MICAL2: variants seen among roughly 807,000 people sequenced by gnomAD.
The protein encoded by MICAL2 is microtubule associated monooxygenase, calponin and LIM domain containing 2.
MICAL2 carries 77 observed loss-of-function variants against 127.3 expected under a neutral mutation model. The observed-to-expected ratio is 0.60, with a 90% CI of 0.50 to 0.73. The LOEUF is 0.73. Ranked by LOEUF, MICAL2 falls within the 30% of genes least tolerant of loss-of-function variation. The probability of loss-of-function intolerance (pLI) is 0.00; values close to 1 mark genes in which losing one functional copy is unlikely to be tolerated. For synonymous variants in MICAL2, 570 were observed against 551.1 expected (o/e 1.03, Z -0.48); for missense variants, 1,351 against 1,434.4 (o/e 0.94, Z 0.94).
chr11:12,260,073 G>A (rs747987726), intron 26 of MICAL2, 176 bp downstream of exon 26: 101 of 1,537,454 alleles, frequency 6.6e-5, no homozygotes, highest in East Asian at 9.8e-5. Flanking sequence ...TCCTCTGGGC[G>A]TTCTCTGAGG....
intron 23 of MICAL2, 57 bp from the exon 24 acceptor site, chr11:12,256,728 G>T: frequency 6.8e-7 from 1 of 1,468,538 alleles, no homozygotes; most frequent in Admixed American, 2.1e-5. Context: ...CCTTGGCCTG[G>T]CATTTGAAGG....
intron 2 of MICAL2, among the ~76,000 whole-genome samples, chr11:12,285,020 T>C (rs1449902307): frequency 6.6e-6 from 1 of 152,162 alleles, no homozygotes; most frequent in African/African-American, 2.4e-5. Context: ...GAGACCAGAA[T>C]TTTATTATTA....
intron 17 of MICAL2, 147 bp downstream of exon 17, chr11:12,239,732 T>C (rs1859601011): frequency 2.1e-6 from 2 of 951,896 alleles, no homozygotes; most frequent in Admixed American, 6.2e-5. Flanking sequence ...CAACAGACTT[T>C]TCTATAAGAG....
rs796149390 is a variant in MICAL2, at chr11:12,330,816, A to G, written c.5515+3550A>G. On this transcript the variant is annotated intron_variant, in intron 32 of 34. Coordinates refer to the MICAL2 transcript ENST00000646065. ...GAGAGAGAGAGAGACAGAGAGAGAG[A>G]GAGAGGGAGAGACAGACAGAGAGAG... Among the ~76,000 whole-genome samples the G allele has an allele frequency of 2.3e-3, 340 of 150,770 alleles. 13 individuals carry two copies. The highest frequency in any genetic ancestry group is 8.1e-3 in the African/African-American group (333 of 40,900).
intron 11 of MICAL2, among the ~76,000 whole-genome samples, chr11:12,222,951 A>G (rs936737335): frequency 5.3e-5 from 8 of 152,186 alleles, no homozygotes; most frequent in Admixed American, 4.6e-4. Context: ...ATGTAGGGGG[A>G]GAGATTTATA....
intron 8 of MICAL2, 106 bp downstream of exon 8, chr11:12,216,425 G>A (rs1216569223): frequency 1.2e-6 from 1 of 858,688 alleles, no homozygotes. Context: ...GAGGGGAGGA[G>A]GGGGGAAGGT....
chr11:12,146,407 G>A (rs1341580465), intron 2 of MICAL2, among the ~76,000 whole-genome samples: 1 of 152,212 alleles, frequency 6.6e-6, no homozygotes, highest in African/African-American at 2.4e-5. Flanking sequence ...CGAAGGATAT[G>A]AACAGACACT....
At chr11:12,139,311 T>C (rs1852122773) in intron 2 of MICAL2, among the ~76,000 whole-genome samples, 1 of 152,124 alleles carries the variant, frequency 6.6e-6, no homozygotes, top group African/African-American at 2.4e-5. Flanking sequence ...CAGAAAGCCA[T>C]GAGTCAGAGG....
In MICAL2 at chr11:12,257,101, G is replaced by A. The variant is rs1220472776; in HGVS notation, c.3142+130G>A. The A allele has an allele frequency of 2.9e-6, 3 of 1,025,562 alleles. No homozygotes were observed. The African/African-American group carries it at 4.9e-5, about 17-fold the overall frequency. The allele number at this position is 1,025,562 out of a possible 1,614,324, so 63.5% of individuals were successfully genotyped here. A position where few individuals can be genotyped will look rare whatever the true frequency, so the allele number is the denominator to read the frequency against. On this transcript the variant is annotated intron_variant, in intron 24 of 27. Transcript: ENST00000683283. Reference sequence around the variant, plus strand: ...CCAAAAGGAAGTATGATGTCATCAGGAAAGCTGCTCAGGGAGACTGGGAGC... The same window carrying A: ...CCAAAAGGAAGTATGATGTCATCAGAAAAGCTGCTCAGGGAGACTGGGAGC...
At chr11:12,252,729 G>T (rs1166009363) in intron 22 of MICAL2, 1 of 152,250 alleles carries the variant, frequency 6.6e-6, no homozygotes, top group African/African-American at 2.4e-5. Context: ...CTGCTTTGCA[G>T]TTCCCTGGAC....
At chr11:12,146,862 G>A (rs897853545) in intron 2 of MICAL2, among the ~76,000 whole-genome samples, 49 of 152,264 alleles carry the variant, frequency 3.2e-4, no homozygotes, top group African/African-American at 1.0e-3. Flanking sequence ...AATATACACC[G>A]TGGAATACTA....
At chr11:12,193,360 T>C (rs1859459930) in intron 3 of MICAL2, among the ~76,000 whole-genome samples, 1 of 152,228 alleles carries the variant, frequency 6.6e-6, no homozygotes, top group African/African-American at 2.4e-5. Context: ...ATCTCTCCCT[T>C]GTTGACCTTA....
Position 12,255,638 on chromosome 11 carries a change from G to C in MICAL2, c.2848-5G>C. The C allele has an allele frequency of 6.2e-7, 1 of 1,613,904 alleles. No homozygotes were observed. Among genetic ancestry groups the C allele is most frequent in the Non-Finnish European group, 8.5e-7 (1 of 1,179,904 alleles). ...TCTGTCTCCTCTGCCTCTGCTCTTG[G>C]TTAGCTGACGGTAGGGAAAGTGTCC... On this transcript the variant is annotated splice_polypyrimidine_tract_variant and splice_region_variant and intron_variant, in intron 22 of 27. Coordinates refer to ENST00000683283, the MANE Select transcript of MICAL2 (RefSeq NM_001282663.2).
intron 6 of MICAL2, 80 bp downstream of exon 6, chr11:12,209,678 G>A (rs1355200160): frequency 7.7e-7 from 1 of 1,290,678 alleles, no homozygotes; most frequent in Non-Finnish European, 1.1e-6. Flanking sequence ...GGAGAAAGTG[G>A]GCAAGATGCA....
At chr11:12,224,604 A>G in intron 12 of MICAL2, 69 bp from the exon 13 acceptor site, 2 of 1,561,700 alleles carry the variant, frequency 1.3e-6, no homozygotes. Flanking sequence ...TGGCAATGAG[A>G]AGGGAGCGCC....
At chr11:12,212,642 A>G (rs978137861) in intron 6 of MICAL2, among the ~76,000 whole-genome samples, 4 of 151,996 alleles carry the variant, frequency 2.6e-5, no homozygotes, top group Non-Finnish European at 5.9e-5. Context: ...GTCCCACCCT[A>G]CTCCAGTATG....
At chr11:12,161,505 T>C (rs1009636630) in intron 2 of MICAL2, 3 of 152,584 alleles carry the variant, frequency 2.0e-5, no homozygotes, top group African/African-American at 7.2e-5. Context: ...CTGTTTGTCA[T>C]GTGGATAGTG....
intron 3 of MICAL2, among the ~76,000 whole-genome samples, chr11:12,174,373 C>T (rs1291107276): frequency 6.6e-6 from 1 of 150,596 alleles, no homozygotes; most frequent in East Asian, 2.0e-4. Context: ...ACCCCCAGCC[C>T]CTGCCTACCA....
At chr11:12,260,241 T>A in intron 26 of MICAL2, 1 of 1,442,766 alleles carries the variant, frequency 6.9e-7, no homozygotes, top group Non-Finnish European at 9.1e-7. Context: ...GTTTGCAGTT[T>A]GCTCAGGCTC....
Sources: allele counts gnomAD v4.1 joint callset (sites outside exome capture counted in the v4.1 genomes callset), GRCh38; gene constraint gnomAD v4.1.1; transcripts MANE v1.5; gene names NCBI Gene and HGNC (gene_info 2026-07-23, HGNC 2026-07-21).